KIF26B: variants seen among roughly 807,000 people sequenced by gnomAD.
KIF26B encodes kinesin family member 26B.
Under a neutral mutation model 151.2 loss-of-function variants are expected in KIF26B, and 63 were observed. The ratio of observed to expected loss-of-function variants is 0.42; its 90% CI spans 0.34 to 0.51. The LOEUF is 0.51. Ranked by LOEUF, KIF26B falls within the 20% of genes least tolerant of loss-of-function variation. The pLI is 0.07. For missense variants in KIF26B, 2,813 were observed against 2,913.6 expected, an observed-to-expected ratio of 0.97 and a Z score of 0.79; for synonymous variants, 1,357 against 1,262.1, an observed-to-expected ratio of 1.08 and a Z score of -1.59.
At chr1:245,497,079 G>A (rs1660527318) in intron 4 of KIF26B, among the ~76,000 whole-genome samples, 2 of 151,866 alleles carry the variant, frequency 1.3e-5, no homozygotes, top group African/African-American at 4.8e-5. Context: ...CTTGAACCCT[G>A]GGGGTGGAGG....
intron 4 of KIF26B, among the ~76,000 whole-genome samples, chr1:245,525,942 AT>A (rs1661229249): frequency 6.6e-6 from 1 of 152,206 alleles, no homozygotes; most frequent in African/African-American, 2.4e-5. Context: ...AAAAATGGAA[AT>A]TATTTAACCT....
At chr1:245,278,503 G>A (rs781225290) in intron 2 of KIF26B, among the ~76,000 whole-genome samples, 1 of 152,138 alleles carries the variant, frequency 6.6e-6, no homozygotes, top group African/African-American at 2.4e-5. Flanking sequence ...TCTCTTTTGG[G>A]CATGAACAGT....
At chr1:245,432,149 T>G (rs966315107) in intron 4 of KIF26B, among the ~76,000 whole-genome samples, 5 of 152,096 alleles carry the variant, frequency 3.3e-5, no homozygotes, top group Non-Finnish European at 5.9e-5. Flanking sequence ...ACCTGCTACA[T>G]TAGGAATATT....
chr1:245,318,070 A>C lies in KIF26B; in HGVS notation c.466-48764A>C, dbSNP rs1483295012. Reference sequence around the variant, plus strand: ...TCCAGAGGCACCCTCGTTTAGAAGCATAGATGATGCAAAAACATGGTTTCT... The same window carrying C: ...TCCAGAGGCACCCTCGTTTAGAAGCCTAGATGATGCAAAAACATGGTTTCT... On this transcript the variant is annotated intron_variant, in intron 2 of 14. Coordinates refer to ENST00000407071, the MANE Select transcript of KIF26B (RefSeq NM_018012.4). This position sits in a 1 kb window ranked among gnomAD's most constrained non-coding sequence, Gnocchi z 4.0. 6.6e-6 allele frequency among the ~76,000 whole-genome samples: 1 copy of C among 152,208 alleles called. No individual in the cohort carries two copies. The highest frequency in any genetic ancestry group is 2.4e-5 in the African/African-American group (1 of 41,448).
chr1:245,589,864 C>A (rs540745106), intron 5 of KIF26B, among the ~76,000 whole-genome samples: 1 of 152,288 alleles, frequency 6.6e-6, no homozygotes, highest in South Asian at 2.1e-4. Flanking sequence ...ACAGAAGACA[C>A]TAAATCGGGT....
At chr1:245,315,538 G>A (rs1241627009) in intron 2 of KIF26B, among the ~76,000 whole-genome samples, 2 of 151,832 alleles carry the variant, frequency 1.3e-5, no homozygotes, top group African/African-American at 4.8e-5. Flanking sequence ...CCTGGCCAAT[G>A]TGGTGAAACC....
rs1387670952 is a variant in KIF26B at position 245,239,562 on chromosome 1, G to A, written c.465+82879G>A. ...TCTGTCGCCCAGGCTGGAGTGCAGT[G>A]GCGTGATCTCAGCTCACTGCAACCT... On this transcript the variant is annotated intron_variant, in intron 2 of 14. Coordinates refer to ENST00000407071, the MANE Select transcript of KIF26B (RefSeq NM_018012.4). This position sits in a 1 kb window ranked among gnomAD's most constrained non-coding sequence, Gnocchi z 4.3. Among the ~76,000 whole-genome samples the A allele has an allele frequency of 1.3e-5, 2 of 152,126 alleles. No homozygotes were observed. Among genetic ancestry groups the A allele is most frequent in the Non-Finnish European group, 2.9e-5 (2 of 68,032 alleles).
intron 9 of KIF26B, among the ~76,000 whole-genome samples, chr1:245,640,122 G>GCTCTCTCTCTGTCTCTCTGTCTCTCT (rs2043874398): frequency 1.9e-5 from 1 of 53,974 alleles, no homozygotes. Context: ...ACTAATATTT[G>GCTCTCTCTCTGTCTCTCTGTCTCTCT]CTCTCTCTCT....
chr1:245,327,023 A>C (rs1672004430), intron 2 of KIF26B, among the ~76,000 whole-genome samples: 1 of 152,200 alleles, frequency 6.6e-6, no homozygotes, highest in African/African-American at 2.4e-5. Flanking sequence ...AAGAACTGAA[A>C]AAATTATTCC....
chr1:245,574,237 G>A (rs2043094428), intron 5 of KIF26B, among the ~76,000 whole-genome samples: 1 of 152,108 alleles, frequency 6.6e-6, no homozygotes, highest in Admixed American at 6.5e-5. Flanking sequence ...TCCACCTCCC[G>A]GGTTCAAGCG....
rs570564534 is a variant in KIF26B at position 245,606,410 on chromosome 1, C to G, written c.1558-1241C>G. On this transcript the variant is annotated intron_variant, in intron 6 of 14. Coordinates refer to ENST00000407071, the MANE Select transcript of KIF26B (RefSeq NM_018012.4). This position sits in a 1 kb window ranked among gnomAD's most constrained non-coding sequence, Gnocchi z 4.6. ...TTAGCACTGCCTCCCGGAGCTCCCACGAGCCCTGACTCCGGCCCCGAGACA... is the reference window on the plus strand; with the variant it reads ...TTAGCACTGCCTCCCGGAGCTCCCAGGAGCCCTGACTCCGGCCCCGAGACA... Among the ~76,000 whole-genome samples the G allele has an allele frequency of 1.3e-5, 2 of 151,682 alleles. No individual in the cohort carries two copies. Among genetic ancestry groups the G allele is most frequent in the East Asian group, 1.9e-4 (1 of 5,188 alleles).
intron 4 of KIF26B, among the ~76,000 whole-genome samples, chr1:245,501,760 T>C (rs1660625749): frequency 6.6e-6 from 1 of 152,214 alleles, no homozygotes; most frequent in African/African-American, 2.4e-5. Flanking sequence ...TCTGAAATAA[T>C]TCTATTCCTT....
In KIF26B at chr1:245,156,678, G is replaced by A. The variant is rs1031933830; in HGVS notation, c.460G>A (p.Gly154Ser). 19 of 1,493,778 alleles carry A rather than the reference G, an allele frequency of 1.3e-5. No individual in the cohort carries two copies. Among genetic ancestry groups the A allele is most frequent in the Non-Finnish European group, 4.4e-6 (5 of 1,129,294 alleles). The allele number at this position is 1,493,778 out of a possible 1,614,324, so 92.5% of individuals were successfully genotyped here. The change falls in exon 2 of 15, where the codon GGC (glycine) becomes AGC (serine). Residue 154 changes from glycine (G) to serine (S), a missense_variant. Around this residue, in one of 3 missense-constraint regions of KIF26B, gnomAD observed 676 missense variants for 688.1 expected, o/e 0.98. Coordinates refer to ENST00000407071, the MANE Select transcript of KIF26B (RefSeq NM_018012.4). The part of the protein sequence containing the change: ...LRLLLPGPFP[G>S]KDPAFSAVIH... ...GTTGCTCCTCCCGGGGCCCTTCCCG[G>A]GCAAGGTGAGCGCCGCGCGGGGCTG...
At chr1:245,215,176 A>G (rs1332149135) in intron 2 of KIF26B, among the ~76,000 whole-genome samples, 1 of 152,064 alleles carries the variant, frequency 6.6e-6, no homozygotes, top group Admixed American at 6.5e-5. Flanking sequence ...GCTATGATGG[A>G]AAACGTCCTC....
At position 245,319,295 on chromosome 1, in the gene KIF26B, A is replaced by G. The variant is rs577675527; in HGVS notation, c.466-47539A>G. Among the ~76,000 whole-genome samples, 12 of 152,326 alleles carry G rather than the reference A, an allele frequency of 7.9e-5. No individual in the cohort carries two copies. In the East Asian group the frequency reaches 1.9e-3, roughly 24 times the overall value. On this transcript the variant is annotated intron_variant, in intron 2 of 14. Transcript: ENST00000407071. ...CTTTTCACAGCTGTCATCATTTAGC[A>G]TAAATAACAGCCTGCGGAAGAGTGG...
intron 10 of KIF26B, among the ~76,000 whole-genome samples, chr1:245,652,143 T>TGG (rs1354553474): frequency 0.012 from 1,342 of 111,250 alleles, 18 homozygotes; most frequent in African/African-American, 0.045. Flanking sequence ...TGTGTGTGTG[T>TGG]GTGAGAGAGA....
chr1:245,474,474 C>G (rs1390349322), intron 4 of KIF26B, among the ~76,000 whole-genome samples: 2 of 134,500 alleles, frequency 1.5e-5, no homozygotes, highest in Admixed American at 1.5e-4. Flanking sequence ...TGCAATGGTG[C>G]GATCTTGGCT....
At chr1:245,623,769 G>A (rs939182747) in intron 9 of KIF26B, among the ~76,000 whole-genome samples, 7 of 152,168 alleles carry the variant, frequency 4.6e-5, no homozygotes, top group East Asian at 1.9e-4. Flanking sequence ...TAATGTTTAC[G>A]TTGGGTCCTA....
At chr1:245,575,146 C>G (rs560845550) in intron 5 of KIF26B, among the ~76,000 whole-genome samples, 5 of 151,052 alleles carry the variant, frequency 3.3e-5, no homozygotes, top group African/African-American at 9.7e-5. Flanking sequence ...ATTACAGGCT[C>G]AAGCCACCGC....
Sources: gnomAD v4.1 joint callset for allele counts (sites outside exome capture counted in the v4.1 genomes callset) on GRCh38, gnomAD v4.1.1 for gene constraint, gnomAD v4.1.1 regional missense constraint, Gnocchi (gnomAD v3.1) non-coding constraint, MANE v1.5 for transcripts, NCBI Gene and HGNC (gene_info 2026-07-23, HGNC 2026-07-21) for gene names.